RUSC2: variants seen among roughly 807,000 people sequenced by gnomAD.
RUSC2 encodes the protein RUN and SH3 domain containing 2, also known as AP-4 complex accessory subunit RUSC2.
RUSC2 carries 34 observed loss-of-function variants against 122.2 expected under a neutral mutation model. That is an observed-to-expected ratio of 0.28 (90% confidence interval 0.21 to 0.37). The LOEUF is 0.37. Ranked by LOEUF, RUSC2 falls within the 10% of genes least tolerant of loss-of-function variation. The pLI is 1.00. For missense variants in RUSC2, 1,747 were observed against 1,952.4 expected (o/e 0.89, Z 1.98); for synonymous variants, 784 against 790.0 (o/e 0.99, Z 0.13).
chr9:35,552,390 A>C (rs1158176003), intron 2 of RUSC2, among the ~76,000 whole-genome samples: 3 of 152,172 alleles, frequency 2.0e-5, no homozygotes, highest in Non-Finnish European at 4.4e-5. Flanking sequence ...AATAAAAATA[A>C]AAAAGGCAGC....
chr9:35,561,125 G>C (rs753372252), intron 11 of RUSC2, 28 bp downstream of exon 11: 1 of 1,613,402 alleles, frequency 6.2e-7, no homozygotes, highest in Admixed American at 1.7e-5. Context: ...GAAGGGCTGA[G>C]GGGGGCGGGG....
At chr9:35,491,456 C>T (rs867131650) in intron 1 of RUSC2, among the ~76,000 whole-genome samples, 22 of 152,286 alleles carry the variant, frequency 1.4e-4, no homozygotes, top group Middle Eastern at 3.4e-3. Flanking sequence ...TTATGCCCGT[C>T]CTGCTGTATG....
intron 1 of RUSC2, among the ~76,000 whole-genome samples, chr9:35,513,182 T>C (rs979972477): frequency 6.7e-6 from 1 of 148,682 alleles, no homozygotes; most frequent in Non-Finnish European, 1.5e-5. Flanking sequence ...TTGAGAATTA[T>C]ACTTTGTTTT....
chr9:35,546,713 C>A lies in RUSC2; in HGVS notation c.192C>A (p.Ser64=), dbSNP rs1411566126. 1 of 1,560,602 alleles carries A rather than the reference C, an allele frequency of 6.4e-7. No individual in the cohort carries two copies. The highest frequency in any genetic ancestry group is 8.7e-7 in the Non-Finnish European group (1 of 1,153,858). The change falls in exon 2 of 12, where the codon TCC becomes TCA. Residue 64 remains serine (S), a synonymous_variant. Coordinates refer to ENST00000361226, the MANE Select transcript of RUSC2 (RefSeq NM_014806.5). This position sits in a 1 kb window ranked among gnomAD's most constrained non-coding sequence, Gnocchi z 4.3. ...ATCAAGACCTAGGACAAGCTGACTC[C>A]CTGCTATTCAGCAGCCTGCACTCTA... is the stretch of plus-strand genomic sequence containing the variant. ...QPDQDLGQAD[S]LLFSSLHSTP... is the part of the protein sequence containing the mutation.
At chr9:35,519,361 A>C (rs1028336870) in intron 1 of RUSC2, among the ~76,000 whole-genome samples, 1 of 152,100 alleles carries the variant, frequency 6.6e-6, no homozygotes, top group East Asian at 1.9e-4. Context: ...CCTGGACAAA[A>C]CCTATCCTGC....
At chr9:35,539,424 G>C (rs1821598467) in intron 1 of RUSC2, among the ~76,000 whole-genome samples, 1 of 151,932 alleles carries the variant, frequency 6.6e-6, no homozygotes, top group African/African-American at 2.4e-5. Context: ...TCAGGGATGG[G>C]GGAGTCAGAT....
chr9:35,529,317 A>T (rs1239050123), intron 1 of RUSC2, among the ~76,000 whole-genome samples: 1 of 152,020 alleles, frequency 6.6e-6, no homozygotes, highest in Non-Finnish European at 1.5e-5. Flanking sequence ...GAACACGGCA[A>T]ACTGAAGGTC....
Position 35,546,644 on chromosome 9 carries a change from A to G in RUSC2, c.123A>G (p.Arg41=). The stretch of plus-strand genomic sequence containing the variant: ...CAGGTGGAGGTGGTGGGAGCACAAG[A>G]CCTAATCCCTTCTGCCCACCTGAGC... The part of the protein sequence containing the change: ...GGAGGGGGST[R]PNPFCPPELG... Residue 41 remains arginine, a synonymous_variant, in exon 2 of 12, where the codon AGA becomes AGG. Transcript: ENST00000361226. This position sits in a 1 kb window ranked among gnomAD's most constrained non-coding sequence, Gnocchi z 4.3. 6.4e-7 allele frequency: 1 copy of G among 1,572,430 alleles called. No individual in the cohort carries two copies.
chr9:35,535,897 A>C (rs976949634), intron 1 of RUSC2, among the ~76,000 whole-genome samples: 5 of 152,212 alleles, frequency 3.3e-5, no homozygotes, highest in African/African-American at 9.7e-5. Flanking sequence ...CAAGCATAAG[A>C]CACCTTCTAT....
chr9:35,531,130 G>C (rs995422874), intron 1 of RUSC2, among the ~76,000 whole-genome samples: 3 of 152,008 alleles, frequency 2.0e-5, no homozygotes, highest in Non-Finnish European at 4.4e-5. Context: ...GCTTGGTGTC[G>C]GGTACCTGTA....
In RUSC2 at chr9:35,548,204, A is replaced by G. The variant is rs1354911382; in HGVS notation, c.1683A>G (p.Pro561=). 1 of 1,612,842 alleles carries G rather than the reference A, an allele frequency of 6.2e-7. No homozygotes were observed. Among genetic ancestry groups the G allele is most frequent in the Non-Finnish European group, 8.5e-7 (1 of 1,179,852 alleles). ...RKKTGGSGSP[P]LRVSVGDSSQ... The stretch of plus-strand genomic sequence containing the variant: ...AAACTGGAGGCTCTGGCTCGCCCCC[A>G]CTTCGTGTGAGTGTTGGGGACTCCT... The change falls in exon 2 of 12, where the codon CCA becomes CCG. Residue 561 remains proline (P), a synonymous_variant. Transcript: ENST00000361226. This position sits in a 1 kb window ranked among gnomAD's most constrained non-coding sequence, Gnocchi z 4.5.
intron 1 of RUSC2, among the ~76,000 whole-genome samples, chr9:35,522,659 A>T (rs1046957976): frequency 6.6e-6 from 1 of 152,232 alleles, no homozygotes; most frequent in Non-Finnish European, 1.5e-5. Context: ...TGCTTGATTA[A>T]TTGGCTCACA....
intron 1 of RUSC2, among the ~76,000 whole-genome samples, chr9:35,519,628 C>G (rs562540158): frequency 1.3e-5 from 2 of 152,214 alleles, no homozygotes; most frequent in East Asian, 1.9e-4. Flanking sequence ...TCCTTTGGCT[C>G]TTTTAAAGAG....
At position 35,547,578 on chromosome 9, in the gene RUSC2, C is replaced by T. The variant is rs1255438462; in HGVS notation, c.1057C>T (p.His353Tyr). ...GGREGGYGCP[H>Y]ASSPELDANC... ...AAGGGAAGGGGGCTATGGTTGCCCTCATGCCTCTTCTCCTGAGCTTGATGC... is the reference window on the plus strand; with the variant it reads ...AAGGGAAGGGGGCTATGGTTGCCCTTATGCCTCTTCTCCTGAGCTTGATGC... The change falls in exon 2 of 12, where the codon CAT becomes TAT. Residue 353 changes from histidine (H) to tyrosine (Y), a missense_variant. Physicochemically the swap from His to Tyr is moderately conservative, Grantham distance 83. Coordinates refer to ENST00000361226, the MANE Select transcript of RUSC2 (RefSeq NM_014806.5). The surrounding 1 kb of genome is among the most constrained non-coding windows in gnomAD (Gnocchi z 4.6). The T allele has an allele frequency of 1.2e-6, 2 of 1,614,254 alleles. No homozygotes were observed. Among genetic ancestry groups the T allele is most frequent in the Non-Finnish European group, 1.7e-6 (2 of 1,180,040 alleles).
At chr9:35,545,657 G>A (rs981742039) in intron 1 of RUSC2, among the ~76,000 whole-genome samples, 2 of 152,136 alleles carry the variant, frequency 1.3e-5, no homozygotes, top group African/African-American at 2.4e-5. Flanking sequence ...TGCCTTTCAC[G>A]TTTATCTTGT....
In RUSC2 at chr9:35,555,134, T is replaced by C; in HGVS notation, c.2089T>C (p.Phe697Leu). The part of the protein sequence containing the change: ...QRPTTLPIQP[F>L]VFQHHFPKQL... ...GCCAACCACACTGCCCATCCAGCCC[T>C]TCGTGTTCCAGCACCACTTCCCCAA... Residue 697 changes from phenylalanine to leucine, a missense_variant, in exon 3 of 12, where the codon TTC becomes CTC. By Grantham distance (22) the Phe-to-Leu change is conservative. Coordinates refer to ENST00000361226, the MANE Select transcript of RUSC2 (RefSeq NM_014806.5). The surrounding 1 kb of genome is among the most constrained non-coding windows in gnomAD (Gnocchi z 4.6). The C allele has an allele frequency of 1.2e-6, 2 of 1,613,412 alleles. No individual in the cohort carries two copies. Among genetic ancestry groups the C allele is most frequent in the Non-Finnish European group, 8.5e-7 (1 of 1,179,944 alleles).
At chr9:35,526,667 G>A (rs942719690) in intron 1 of RUSC2, among the ~76,000 whole-genome samples, 8 of 152,152 alleles carry the variant, frequency 5.3e-5, no homozygotes, top group African/African-American at 1.4e-4. Flanking sequence ...TAATTCCAGA[G>A]CTTTAGGAAG....
chr9:35,490,846 G>A (rs893333567), intron 1 of RUSC2, among the ~76,000 whole-genome samples: 35 of 152,328 alleles, frequency 2.3e-4, no homozygotes, highest in African/African-American at 8.2e-4. Context: ...GGCCCTCCAG[G>A]CCGGCCCTGC....
In RUSC2 at chr9:35,555,061, G is replaced by A. The variant is rs373264784; in HGVS notation, c.2016G>A (p.Gly672=). 19 of 1,610,960 alleles carry A rather than the reference G, an allele frequency of 1.2e-5. No homozygotes were observed. The South Asian group carries it at 1.2e-4, about 10-fold the overall frequency. Residue 672 remains glycine, a splice_region_variant and synonymous_variant, in exon 3 of 12, where the codon GGG becomes GGA. Coordinates refer to ENST00000361226, the MANE Select transcript of RUSC2 (RefSeq NM_014806.5). The surrounding 1 kb of genome is among the most constrained non-coding windows in gnomAD (Gnocchi z 4.6). The stretch of plus-strand genomic sequence containing the variant: ...TTCTTCTCCATCCCTTTGCTACAGG[G>A]GGTGGCACCGAGAGCCGACCAGTCC... The part of the protein sequence containing the change: ...TQRDARARAD[G]GGTESRPVLR...
Sources: allele counts gnomAD v4.1 joint callset (sites outside exome capture counted in the v4.1 genomes callset), GRCh38; gene constraint gnomAD v4.1.1; non-coding constraint Gnocchi (gnomAD v3.1); transcripts MANE v1.5; gene names NCBI Gene and HGNC (gene_info 2026-07-23, HGNC 2026-07-21).